LEPR: variants seen among roughly 807,000 people sequenced by gnomAD.
The protein encoded by LEPR is leptin receptor.
A neutral mutation model predicts 114.7 loss-of-function variants in LEPR; 56 were observed. The ratio of observed to expected loss-of-function variants is 0.49; its 90% CI spans 0.39 to 0.61. The LOEUF (loss-of-function observed/expected upper bound fraction) is 0.61, where lower values mean the gene tolerates loss of function less well. Ranked by LOEUF, LEPR falls within the 20% of genes least tolerant of loss-of-function variation. The pLI is 0.00. For synonymous variants in LEPR, 443 were observed against 461.4 expected (o/e 0.96, Z 0.51); for missense variants, 1,202 against 1,352.9 (o/e 0.89, Z 1.75).
At chr1:65,590,593 G>A (rs971263645) in intron 5 of LEPR, among the ~76,000 whole-genome samples, 2 of 125,932 alleles carry the variant, frequency 1.6e-5, no homozygotes, top group African/African-American at 6.1e-5. Flanking sequence ...CACCATGTTT[G>A]CATGTCCTTC....
intron 5 of LEPR, among the ~76,000 whole-genome samples, chr1:65,589,459 G>A (rs1241641989): frequency 1.3e-5 from 2 of 149,970 alleles, no homozygotes; most frequent in Non-Finnish European, 2.9e-5. Context: ...TATGGATCAT[G>A]CTTTTTGTGT....
chr1:65,595,121 C>T (rs1338419601), intron 6 of LEPR, among the ~76,000 whole-genome samples: 1 of 151,708 alleles, frequency 6.6e-6, no homozygotes, highest in East Asian at 1.9e-4. Flanking sequence ...ATATAGGAGA[C>T]CTCCATGTAA....
intron 14 of LEPR, among the ~76,000 whole-genome samples, chr1:65,612,314 C>T (rs1240427072): frequency 1.3e-5 from 2 of 152,198 alleles, no homozygotes; most frequent in Non-Finnish European, 2.9e-5. Flanking sequence ...GTATTAACAT[C>T]TTAGGCTAGT....
In LEPR at chr1:65,488,218, C is replaced by CTTTCTTTCTTTCTT. The variant is rs1189228267; in HGVS notation, c.-21+62841_-21+62842insTTCTTTCTTTCTTT. 3.2e-3 allele frequency among the ~76,000 whole-genome samples: 210 copies of CTTTCTTTCTTTCTT among 65,446 alleles called. 6 individuals carry two copies. The highest frequency in any genetic ancestry group is 5.6e-3 in the South Asian group (9 of 1,614). 42.9% of individuals were successfully genotyped at this position (65,446 alleles called of 152,430 possible). ...TTTCTTTCTTTCTTTCTTTCTCTCT[C>CTTTCTTTCTTTCTT]TCTCTCTCTCTTTCTTTCTTTCTTT... On this transcript the variant is annotated intron_variant, in intron 2 of 19. Coordinates refer to ENST00000349533, the MANE Select transcript of LEPR (RefSeq NM_002303.6).
intron 8 of LEPR, among the ~76,000 whole-genome samples, chr1:65,601,033 G>A (rs1245881030): frequency 2.0e-5 from 3 of 151,960 alleles, no homozygotes; most frequent in Non-Finnish European, 4.4e-5. Flanking sequence ...CCAAAGCAGG[G>A]TCTGTTGGAA....
intron 2 of LEPR, among the ~76,000 whole-genome samples, chr1:65,481,884 A>G (rs1225825387): frequency 3.3e-5 from 5 of 151,252 alleles, no homozygotes; most frequent in East Asian, 1.9e-4. Context: ...GAAAAAGAAG[A>G]GTATAAGAAT....
chr1:65,601,746 T>C, intron 9 of LEPR, 64 bp downstream of exon 9: 1 of 1,607,422 alleles, frequency 6.2e-7, no homozygotes, highest in African/African-American at 1.3e-5. Context: ...GGACCCTCCT[T>C]ATATTAGAGT....
intron 2 of LEPR, among the ~76,000 whole-genome samples, chr1:65,488,974 T>C (rs907039147): frequency 4.6e-5 from 7 of 152,224 alleles, no homozygotes; most frequent in Admixed American, 2.0e-4. Flanking sequence ...TGCTGAATAA[T>C]ACTTCATTAT....
chr1:65,609,245 A>G (rs1657017954), intron 12 of LEPR, among the ~76,000 whole-genome samples: 1 of 152,254 alleles, frequency 6.6e-6, no homozygotes, highest in African/African-American at 2.4e-5. Flanking sequence ...GAGGTCCTTC[A>G]TTAAAGAAAA....
intron 12 of LEPR, 138 bp from the exon 13 acceptor site, chr1:65,609,809 T>A: frequency 8.0e-7 from 1 of 1,247,196 alleles, no homozygotes; most frequent in South Asian, 1.3e-5. Flanking sequence ...ATTGTGACTA[T>A]TTCTGAAGGC....
intron 16 of LEPR, 118 bp downstream of exon 16, chr1:65,618,264 C>A: frequency 1.3e-6 from 1 of 786,430 alleles, no homozygotes; most frequent in Non-Finnish European, 2.0e-6. Flanking sequence ...ATACTACCAT[C>A]CTAATACATA....
At position 65,445,186 on chromosome 1, in the gene LEPR, T is replaced by C. The variant is rs540316559; in HGVS notation, c.-21+19808T>C. 1.4e-4 allele frequency among the ~76,000 whole-genome samples: 21 copies of C among 151,334 alleles called. 1 individual carries two copies. The East Asian group carries it at 2.3e-3, about 17-fold the overall frequency. ...CCTTATCTATGGCTGAAAACTGAGT[T>C]TAAATTAATTCTTCTTACGGGCAGC... On this transcript the variant is annotated intron_variant, in intron 2 of 19. Transcript: ENST00000349533.
chr1:65,583,085 G>T (rs190296836), intron 5 of LEPR, among the ~76,000 whole-genome samples: 328 of 152,300 alleles, frequency 2.2e-3, no homozygotes, highest in African/African-American at 7.2e-3. Flanking sequence ...AAGACAGACA[G>T]AACTGTGATT....
intron 2 of LEPR, among the ~76,000 whole-genome samples, chr1:65,522,014 T>C (rs1262880260): frequency 5.3e-5 from 8 of 152,294 alleles, no homozygotes; most frequent in East Asian, 3.9e-4. Context: ...ATATGCATTT[T>C]TGAATGCAAA....
intron 2 of LEPR, among the ~76,000 whole-genome samples, chr1:65,550,223 A>G (rs1652192526): frequency 1.3e-5 from 2 of 151,972 alleles, no homozygotes; most frequent in South Asian, 4.2e-4. Flanking sequence ...GTCTGCCCCT[A>G]CTGGGGGGTG....
chr1:65,554,377 T>C (rs1182189160), intron 2 of LEPR, among the ~76,000 whole-genome samples: 1 of 152,162 alleles, frequency 6.6e-6, no homozygotes, highest in Non-Finnish European at 1.5e-5. Flanking sequence ...AGCCCCTGAC[T>C]GGGGCTGCTG....
At chr1:65,452,747 T>G (rs1395549929) in intron 2 of LEPR, among the ~76,000 whole-genome samples, 38 of 151,964 alleles carry the variant, frequency 2.5e-4, no homozygotes, top group East Asian at 5.8e-4. Context: ...TCTCTTTTTT[T>G]GTTGTGTCTC....
chr1:65,518,995 C>CT (rs1553160674), intron 2 of LEPR, among the ~76,000 whole-genome samples: 4 of 144,250 alleles, frequency 2.8e-5, no homozygotes, highest in East Asian at 4.0e-4. Context: ...TCCTTCCTTC[C>CT]TTCTTTCTTC....
chr1:65,498,657 T>G (rs1648289555), intron 2 of LEPR, among the ~76,000 whole-genome samples: 1 of 152,172 alleles, frequency 6.6e-6, no homozygotes, highest in South Asian at 2.1e-4. Context: ...ATTTGGTCCT[T>G]GTTCCTTTTC....
Sources: gnomAD v4.1 joint callset for allele counts (sites outside exome capture counted in the v4.1 genomes callset) on GRCh38, gnomAD v4.1.1 for gene constraint, MANE v1.5 for transcripts, NCBI Gene and HGNC (gene_info 2026-07-23, HGNC 2026-07-21) for gene names.